GRM8: variants seen among roughly 807,000 people sequenced by gnomAD.
The protein encoded by GRM8 is metabotropic glutamate receptor 8.
GRM8 carries 47 observed loss-of-function variants against 87.2 expected under a neutral mutation model. That is an observed-to-expected ratio of 0.54 (90% CI 0.43 to 0.69). The LOEUF is 0.69. GRM8 is among the 30% of genes least tolerant of loss of function. The probability of loss-of-function intolerance (pLI) is 0.00; values close to 1 mark genes in which losing one functional copy is unlikely to be tolerated. For synonymous variants in GRM8, 396 were observed against 404.5 expected (o/e 0.98, Z 0.25); for missense variants, 1,019 against 1,139.2 (o/e 0.89, Z 1.52).
intron 3 of GRM8, among the ~76,000 whole-genome samples, chr7:126,927,106 G>T (rs1805216090): frequency 6.6e-6 from 1 of 152,100 alleles, no homozygotes; most frequent in African/African-American, 2.4e-5. Flanking sequence ...TTATCAAACA[G>T]TCCATCTCAT....
intron 7 of GRM8, among the ~76,000 whole-genome samples, chr7:126,764,272 T>C (rs1817953623): frequency 6.6e-6 from 1 of 151,988 alleles, no homozygotes; most frequent in African/African-American, 2.4e-5. Context: ...AAATATAAAA[T>C]GTTATAGACT....
intron 3 of GRM8, among the ~76,000 whole-genome samples, chr7:127,005,053 A>G (rs1165053857): frequency 4.0e-5 from 6 of 151,378 alleles, no homozygotes; most frequent in Admixed American, 4.0e-4. Context: ...CTGATCACAG[A>G]TTACGTATGT....
chr7:127,089,823 T>A (rs1263140636), intron 3 of GRM8, among the ~76,000 whole-genome samples: 2 of 152,184 alleles, frequency 1.3e-5, no homozygotes, highest in African/African-American at 4.8e-5. Flanking sequence ...GTATCATTGA[T>A]GCTGAGTCTT....
chr7:126,508,780 G>A (rs1457378539), intron 9 of GRM8, among the ~76,000 whole-genome samples: 2 of 152,068 alleles, frequency 1.3e-5, no homozygotes, highest in Non-Finnish European at 2.9e-5. Flanking sequence ...TCTAGCATGT[G>A]TTTTGAAGAA....
chr7:126,857,331 C>T (rs1326738707), intron 6 of GRM8, among the ~76,000 whole-genome samples: 1 of 152,128 alleles, frequency 6.6e-6, no homozygotes, highest in Non-Finnish European at 1.5e-5. Flanking sequence ...CAACCATTTT[C>T]CACTGAGTTA....
At chr7:126,553,827 T>G (rs1185181274) in intron 8 of GRM8, among the ~76,000 whole-genome samples, 2 of 152,182 alleles carry the variant, frequency 1.3e-5, no homozygotes, top group African/African-American at 4.8e-5. Context: ...AATTCAATGA[T>G]AGCTTATCAA....
At chr7:126,648,423 T>C (rs1341731293) in intron 7 of GRM8, among the ~76,000 whole-genome samples, 2 of 152,214 alleles carry the variant, frequency 1.3e-5, no homozygotes, top group African/African-American at 4.8e-5. Context: ...TAGTGCCAGG[T>C]ACACAGAGTT....
chr7:126,788,420 A>AAAAAAAACAAAAAACAAAAAAC, intron 6 of GRM8, among the ~76,000 whole-genome samples: 2 of 81,138 alleles, frequency 2.5e-5, no homozygotes, highest in African/African-American at 9.2e-5. Context: ...AAAAAAAAAA[A>AAAAAAAACAAAAAACAAAAAAC]AAACCCTTTC....
At chr7:126,567,887 C>A (rs1404183261) in intron 8 of GRM8, among the ~76,000 whole-genome samples, 2 of 152,064 alleles carry the variant, frequency 1.3e-5, no homozygotes, top group African/African-American at 4.8e-5. Context: ...CTCTAGTTTA[C>A]AGTGGAGGAT....
At chr7:126,838,357 CTTCTT>C (rs960854922) in intron 6 of GRM8, among the ~76,000 whole-genome samples, 1 of 152,180 alleles carries the variant, frequency 6.6e-6, no homozygotes, top group African/African-American at 2.4e-5. Flanking sequence ...TATCACCTTC[CTTCTT>C]TTGTTTCTCT....
intron 3 of GRM8, among the ~76,000 whole-genome samples, chr7:127,064,266 G>T (rs549652414): frequency 6.6e-6 from 1 of 152,136 alleles, no homozygotes; most frequent in Non-Finnish European, 1.5e-5. Context: ...CTATGTCTCT[G>T]TGGGTCTCTA....
intron 3 of GRM8, among the ~76,000 whole-genome samples, chr7:126,944,113 G>A (rs1420668504): frequency 6.6e-6 from 1 of 152,194 alleles, no homozygotes; most frequent in Non-Finnish European, 1.5e-5. Flanking sequence ...ATCAAAATCA[G>A]ATGTTAAGCC....
chr7:127,062,515 A>G (rs547967586), intron 3 of GRM8, among the ~76,000 whole-genome samples: 25 of 152,336 alleles, frequency 1.6e-4, no homozygotes, highest in African/African-American at 6.0e-4. Flanking sequence ...TAAGAGTCCA[A>G]CCAGAGATGT....
Position 127,185,285 on chromosome 7 carries a change from A to G in GRM8, c.510+57410T>C, listed in dbSNP as rs369565668. On this transcript the variant is annotated intron_variant, in intron 2 of 10. Coordinates refer to ENST00000339582, the MANE Select transcript of GRM8 (RefSeq NM_000845.3). ...TATATTACTAGATAAATGGAACAGA[A>G]TACTGAGCTCAGAAATAGACCCAAA... is the stretch of plus-strand genomic sequence containing the variant. 7.9e-5 allele frequency among the ~76,000 whole-genome samples: 12 copies of G among 152,232 alleles called. No individual in the cohort carries two copies. The East Asian group carries it at 2.3e-3, about 29-fold the overall frequency.
At chr7:126,605,891 C>T (rs1025281072) in intron 8 of GRM8, among the ~76,000 whole-genome samples, 6 of 152,152 alleles carry the variant, frequency 3.9e-5, no homozygotes, top group African/African-American at 1.4e-4. Context: ...GCACCTGCTC[C>T]ATTGCGCTAG....
At chr7:127,024,414 C>T (rs1279651487) in intron 3 of GRM8, among the ~76,000 whole-genome samples, 2 of 152,026 alleles carry the variant, frequency 1.3e-5, no homozygotes, top group Non-Finnish European at 2.9e-5. Flanking sequence ...ATTCTGTATT[C>T]ATCATTAACA....
At chr7:127,153,267 T>C (rs1051842408) in intron 2 of GRM8, among the ~76,000 whole-genome samples, 2 of 152,096 alleles carry the variant, frequency 1.3e-5, no homozygotes, top group African/African-American at 4.8e-5. Flanking sequence ...CTAATCCAAG[T>C]GCTATACCAA....
intron 8 of GRM8, among the ~76,000 whole-genome samples, chr7:126,541,993 T>C (rs185165476): frequency 6.6e-6 from 1 of 152,120 alleles, no homozygotes; most frequent in African/African-American, 2.4e-5. Context: ...CATTATCCAA[T>C]ATAACTGATG....
chr7:126,659,876 T>A (rs1804952104), intron 7 of GRM8, among the ~76,000 whole-genome samples: 1 of 152,194 alleles, frequency 6.6e-6, no homozygotes, highest in Non-Finnish European at 1.5e-5. Context: ...ACTTCTTTTG[T>A]ATATTGGTTT....
Sources: gnomAD v4.1 joint callset for allele counts (sites outside exome capture counted in the v4.1 genomes callset) on GRCh38, gnomAD v4.1.1 for gene constraint, MANE v1.5 for transcripts, NCBI Gene and HGNC (gene_info 2026-07-23, HGNC 2026-07-21) for gene names.